The following ENTREP2 variants were observed in gnomAD, a reference collection of about 807,000 sequenced individuals.
ENTREP2 encodes protein ENTREP2.
the ENTREP2 span, among the ~76,000 whole-genome samples, chr15:29,666,584 C>G: frequency 1.3e-5 from 2 of 152,186 alleles, no homozygotes; most frequent in African/African-American, 2.4e-5. Flanking sequence ...AACCTCCTCT[C>G]CCTTATGGAA....
chr15:29,421,285 G>C, the ENTREP2 span, among the ~76,000 whole-genome samples: 1 of 152,184 alleles, frequency 6.6e-6, no homozygotes, highest in African/African-American at 2.4e-5. Flanking sequence ...TATCTGCATA[G>C]GTATAAATCC....
the ENTREP2 span, among the ~76,000 whole-genome samples, chr15:29,513,217 C>T: frequency 1.3e-5 from 2 of 152,120 alleles, no homozygotes; most frequent in Admixed American, 1.3e-4. Flanking sequence ...CCACAAGGGC[C>T]GCCTGCTTTG....
chr15:29,673,464 A>C, the ENTREP2 span, among the ~76,000 whole-genome samples: 2 of 152,156 alleles, frequency 1.3e-5, no homozygotes, highest in African/African-American at 2.4e-5. Flanking sequence ...TTGCTGAATC[A>C]GTTCCTGGGT....
the ENTREP2 span, among the ~76,000 whole-genome samples, chr15:29,532,786 C>G: frequency 6.6e-6 from 1 of 152,154 alleles, no homozygotes; most frequent in African/African-American, 2.4e-5. Context: ...TTAAAATCTA[C>G]AAAACCTGAG....
At chr15:29,660,267 G>A in the ENTREP2 span, among the ~76,000 whole-genome samples, 1 of 152,276 alleles carries the variant, frequency 6.6e-6, no homozygotes, top group South Asian at 2.1e-4. Flanking sequence ...ATAGTATTAA[G>A]AGATGGGACT....
the ENTREP2 span, among the ~76,000 whole-genome samples, chr15:29,451,952 C>T: frequency 6.6e-6 from 1 of 152,234 alleles, no homozygotes; most frequent in Admixed American, 6.5e-5. Context: ...GTTCGCTTTT[C>T]AGTTAAGTAA....
the ENTREP2 span, among the ~76,000 whole-genome samples, chr15:29,362,271 C>T: frequency 6.7e-6 from 1 of 150,052 alleles, no homozygotes; most frequent in Non-Finnish European, 1.5e-5. Flanking sequence ...AAGTTGATTA[C>T]AATTGTTTCC....
chr15:29,651,589 C>T, the ENTREP2 span, among the ~76,000 whole-genome samples: 1 of 152,206 alleles, frequency 6.6e-6, no homozygotes, highest in Non-Finnish European at 1.5e-5. Flanking sequence ...GGAAGGCCCC[C>T]CATCTCCACA....
chr15:29,601,623 T>C, the ENTREP2 span, among the ~76,000 whole-genome samples: 1 of 152,200 alleles, frequency 6.6e-6, no homozygotes, highest in Non-Finnish European at 1.5e-5. Flanking sequence ...CTCCACATGG[T>C]CAGCTATTTC....
the ENTREP2 span, among the ~76,000 whole-genome samples, chr15:29,480,312 T>C: frequency 8.8e-6 from 1 of 113,658 alleles, no homozygotes; most frequent in Non-Finnish European, 1.7e-5. Flanking sequence ...TGTCCAAAAA[T>C]GTGTACACAA....
At chr15:29,232,276 A>T in the ENTREP2 span, among the ~76,000 whole-genome samples, 1 of 152,188 alleles carries the variant, frequency 6.6e-6, no homozygotes, top group African/African-American at 2.4e-5. Context: ...CTCTAAGACT[A>T]TAGTTTAAAT....
chr15:29,513,971 T>C, the ENTREP2 span, among the ~76,000 whole-genome samples: 1 of 152,090 alleles, frequency 6.6e-6, no homozygotes, highest in South Asian at 2.1e-4. Context: ...TCCTAAGTAA[T>C]TAAATTGGGC....
At chr15:29,650,141 C>T in the ENTREP2 span, among the ~76,000 whole-genome samples, 3 of 151,752 alleles carry the variant, frequency 2.0e-5, no homozygotes, top group Admixed American at 1.3e-4. Flanking sequence ...GAGGTGAGCT[C>T]TTCTCAAGTA....
At chr15:29,659,302 C>G in the ENTREP2 span, among the ~76,000 whole-genome samples, 2 of 152,074 alleles carry the variant, frequency 1.3e-5, no homozygotes, top group Admixed American at 1.3e-4. Context: ...AACCCCGTCT[C>G]TACTGAAAAT....
At chr15:29,638,190 A>G in the ENTREP2 span, among the ~76,000 whole-genome samples, 3 of 152,350 alleles carry the variant, frequency 2.0e-5, no homozygotes, top group East Asian at 5.8e-4. Flanking sequence ...CCAGCAAAAA[A>G]CAGTGGCTAT....
chr15:29,135,265 A>G, the ENTREP2 span, among the ~76,000 whole-genome samples: 2 of 151,900 alleles, frequency 1.3e-5, no homozygotes, highest in Non-Finnish European at 2.9e-5. This position sits in a 1 kb window ranked among gnomAD's most constrained non-coding sequence, Gnocchi z 7.4. Flanking sequence ...CATTTCCTAA[A>G]CTGGACTGTC....
chr15:29,667,248 C>T, the ENTREP2 span, among the ~76,000 whole-genome samples: 7 of 150,786 alleles, frequency 4.6e-5, no homozygotes, highest in African/African-American at 7.3e-5. Context: ...AGTGCAGTGG[C>T]GGGATCTTGG....
chr15:29,241,133 A>G, the ENTREP2 span, among the ~76,000 whole-genome samples: 1 of 152,324 alleles, frequency 6.6e-6, no homozygotes, highest in East Asian at 1.9e-4. Flanking sequence ...TTATAATGAA[A>G]TTAGTGCCTG....
At chr15:29,495,194 C>T in the ENTREP2 span, among the ~76,000 whole-genome samples, 6 of 152,336 alleles carry the variant, frequency 3.9e-5, no homozygotes, top group Admixed American at 3.9e-4. Context: ...CACAACCTCA[C>T]CAACTCTTGT....
Sources: allele counts gnomAD v4.1 joint callset (sites outside exome capture counted in the v4.1 genomes callset), GRCh38; gene constraint gnomAD v4.1.1; non-coding constraint Gnocchi (gnomAD v3.1); transcripts MANE v1.5; gene names NCBI Gene and HGNC (gene_info 2026-07-23, HGNC 2026-07-21).